Variants in TENM4 observed in about 807,000 individuals in gnomAD.
The protein encoded by TENM4 is teneurin transmembrane protein 4, also known as teneurin-4.
In TENM4, 82 loss-of-function variants were observed where a neutral mutation model predicts 243.3. The observed-to-expected ratio is 0.34, with a 90% confidence interval of 0.28 to 0.40. The LOEUF is 0.40. TENM4 is among the 10% of genes least tolerant of loss of function. The probability of loss-of-function intolerance (pLI) is 1.00; values close to 1 mark genes in which losing one functional copy is unlikely to be tolerated. For synonymous variants in TENM4, 1,412 were observed against 1,456.3 expected (o/e 0.97, Z 0.69); for missense variants, 3,138 against 3,673.3 (o/e 0.85, Z 3.77).
At chr11:78,828,174 C>A (rs1428666791) in intron 12 of TENM4, among the ~76,000 whole-genome samples, 2 of 152,246 alleles carry the variant, frequency 1.3e-5, no homozygotes, top group Non-Finnish European at 2.9e-5. Context: ...GAATGCACTG[C>A]TTACTTCCTT....
intron 28 of TENM4, among the ~76,000 whole-genome samples, chr11:78,689,781 C>G (rs1858774079): frequency 6.6e-6 from 1 of 152,184 alleles, no homozygotes. Flanking sequence ...TGGCACAGAT[C>G]ACAGCACTCT....
At chr11:78,858,876 T>C (rs371717459) in intron 10 of TENM4, among the ~76,000 whole-genome samples, 52 of 152,332 alleles carry the variant, frequency 3.4e-4, no homozygotes, top group Admixed American at 3.0e-3. Flanking sequence ...ACTAGTCATA[T>C]TGGCTTCCAC....
chr11:79,105,871 T>C (rs953485002), intron 4 of TENM4, among the ~76,000 whole-genome samples: 3 of 152,056 alleles, frequency 2.0e-5, no homozygotes, highest in Non-Finnish European at 4.4e-5. Flanking sequence ...TATTATGAAT[T>C]AATGGTGCTA....
chr11:79,241,598 T>G (rs1855418442), intron 2 of TENM4, among the ~76,000 whole-genome samples: 1 of 152,156 alleles, frequency 6.6e-6, no homozygotes, highest in Admixed American at 6.5e-5. Context: ...TCATGGGAAT[T>G]AAACAAGGTA....
At chr11:78,822,554 C>T (rs1163159348) in intron 12 of TENM4, among the ~76,000 whole-genome samples, 1 of 152,114 alleles carries the variant, frequency 6.6e-6, no homozygotes, top group African/African-American at 2.4e-5. Flanking sequence ...ACGTGAACAA[C>T]ACACACTGGG....
chr11:78,707,842 T>G (rs1859294787), intron 27 of TENM4, among the ~76,000 whole-genome samples: 1 of 152,132 alleles, frequency 6.6e-6, no homozygotes, highest in Non-Finnish European at 1.5e-5. Flanking sequence ...TTCACAGATA[T>G]AAAAAGTGAG....
chr11:78,710,909 G>A (rs779649695), intron 26 of TENM4, among the ~76,000 whole-genome samples: 3 of 152,184 alleles, frequency 2.0e-5, no homozygotes, highest in East Asian at 1.9e-4. Context: ...GCCCTGGAGG[G>A]AATAAAAATT....
At chr11:79,423,066 G>A (rs1317003520) in intron 1 of TENM4, among the ~76,000 whole-genome samples, 1 of 152,114 alleles carries the variant, frequency 6.6e-6, no homozygotes, top group Non-Finnish European at 1.5e-5. Flanking sequence ...GAGAAGGCTG[G>A]GAGGCTGTCC....
chr11:78,893,040 G>C (rs1855704106), intron 7 of TENM4, among the ~76,000 whole-genome samples: 1 of 152,218 alleles, frequency 6.6e-6, no homozygotes, highest in South Asian at 2.1e-4. Context: ...AACACTATTT[G>C]CAGGTACAGT....
At chr11:78,915,246 C>T (rs1245899935) in intron 6 of TENM4, among the ~76,000 whole-genome samples, 1 of 152,170 alleles carries the variant, frequency 6.6e-6, no homozygotes, top group Non-Finnish European at 1.5e-5. Context: ...AAGTTTCCTC[C>T]TCCAGGAAGC....
chr11:78,906,660 C>A (rs533536567), intron 6 of TENM4, among the ~76,000 whole-genome samples: 14 of 152,214 alleles, frequency 9.2e-5, no homozygotes, highest in Non-Finnish European at 1.6e-4. Context: ...GAGCTCTCAG[C>A]TCAACTGCCT....
chr11:78,772,165 A>G (rs2135997350), intron 17 of TENM4, among the ~76,000 whole-genome samples: 1 of 152,296 alleles, frequency 6.6e-6, no homozygotes. Context: ...GGACCATATT[A>G]TAAAGTGGGG....
chr11:78,878,078 G>A (rs928824772), intron 9 of TENM4, among the ~76,000 whole-genome samples: 74 of 152,216 alleles, frequency 4.9e-4, no homozygotes, highest in African/African-American at 1.3e-3. Flanking sequence ...ACATAGTTTC[G>A]AGCAGCCATT....
intron 16 of TENM4, among the ~76,000 whole-genome samples, chr11:78,782,522 G>C (rs542315971): frequency 6.6e-6 from 1 of 152,164 alleles, no homozygotes; most frequent in Non-Finnish European, 1.5e-5. Context: ...ACTTGAACCC[G>C]GGAGGCAGAG....
intron 27 of TENM4, 38 bp from the exon 28 acceptor site, chr11:78,702,441 G>A: frequency 6.3e-7 from 1 of 1,581,910 alleles, no homozygotes; most frequent in Non-Finnish European, 8.6e-7. Context: ...TGACTGGCAA[G>A]ATGCCCACCA....
At chr11:79,400,461 C>T (rs763719406) in intron 1 of TENM4, among the ~76,000 whole-genome samples, 7 of 152,262 alleles carry the variant, frequency 4.6e-5, no homozygotes, top group Non-Finnish European at 8.8e-5. Flanking sequence ...CTGGCACATC[C>T]CCAAACAAGG....
chr11:78,850,047 T>G (rs1166661574), intron 12 of TENM4, among the ~76,000 whole-genome samples: 1 of 144,468 alleles, frequency 6.9e-6, no homozygotes, highest in Non-Finnish European at 1.5e-5. Flanking sequence ...TAAAACTTGC[T>G]TGGTTTCAGT....
At chr11:79,206,838 T>C (rs1360449621) in intron 3 of TENM4, among the ~76,000 whole-genome samples, 1 of 152,226 alleles carries the variant, frequency 6.6e-6, no homozygotes, top group African/African-American at 2.4e-5. Context: ...AATGGACTAA[T>C]ACACGCTCCT....
At chr11:78,869,593 A>T (rs1216886210) in intron 9 of TENM4, among the ~76,000 whole-genome samples, 1 of 152,084 alleles carries the variant, frequency 6.6e-6, no homozygotes, top group Non-Finnish European at 1.5e-5. Context: ...ATGCTCTCTC[A>T]CTCAATCTTT....
Sources: allele counts gnomAD v4.1 joint callset (sites outside exome capture counted in the v4.1 genomes callset), GRCh38; gene constraint gnomAD v4.1.1; transcripts MANE v1.5; gene names NCBI Gene and HGNC (gene_info 2026-07-23, HGNC 2026-07-21).